Variants in SZT2 observed in about 807,000 individuals in gnomAD.
SZT2 encodes KICSTOR complex protein SZT2.
Under a neutral mutation model 404.2 loss-of-function variants are expected in SZT2, and 216 were observed. The observed-to-expected ratio is 0.53, with a 90% CI of 0.48 to 0.60. The LOEUF is 0.60. SZT2 is among the 20% of genes least tolerant of loss of function. SZT2 has a pLI of 0.00. For synonymous variants in SZT2, 1,693 were observed against 1,749.9 expected, an observed-to-expected ratio of 0.97 and a Z score of 0.81; for missense variants, 3,857 against 4,459.2, an observed-to-expected ratio of 0.86 and a Z score of 3.85.
At position 43,427,715 on chromosome 1, in the gene SZT2, C is replaced by G; in HGVS notation, c.3784C>G (p.Pro1262Ala). ...QMVGMQPPQA[P>A]RDLIFRTQFL... ...GGTTGGCATGCAGCCCCCTCAGGCG[C>G]CCCGAGACCTCATCTTCCGGTGAGT... Residue 1262 changes from proline (P) to alanine (A), a missense_variant, in exon 26 of 72, where the codon CCC becomes GCC. Coordinates refer to ENST00000634258, the MANE Select transcript of SZT2 (RefSeq NM_001365999.1). 6.2e-7 allele frequency: 1 copy of G among 1,613,692 alleles called. No individual in the cohort carries two copies. Among genetic ancestry groups the G allele is most frequent in the East Asian group, 2.2e-5 (1 of 44,878 alleles).
intron 42 of SZT2, chr1:43,436,947 C>G (rs1654518469): frequency 1.7e-6 from 1 of 576,960 alleles, no homozygotes; most frequent in Admixed American, 3.2e-5. Context: ...TTCTCTAAGT[C>G]TCCTTGAGAT....
Position 43,433,032 on chromosome 1 carries a change from T to C in SZT2, c.5646T>C (p.Asn1882=), listed in dbSNP as rs939242987. 6.2e-7 allele frequency: 1 copy of C among 1,614,006 alleles called. No individual in the cohort carries two copies. The highest frequency in any genetic ancestry group is 1.3e-5 in the African/African-American group (1 of 74,918). Residue 1882 remains asparagine (N), a synonymous_variant, in exon 40 of 72, where the codon AAT becomes AAC. Coordinates refer to ENST00000634258, the MANE Select transcript of SZT2 (RefSeq NM_001365999.1). The part of the protein sequence containing the change: ...GSSGSDSEGP[N]DTLGEKAPFT... ...GTGGCTCAGACAGTGAGGGTCCCAA[T>C]GACACCCTTGGTGAGAAGGCCCCCT...
chr1:43,447,425 G>T (rs2153936772), intron 66 of SZT2, 120 bp from the exon 67 acceptor site: 1 of 1,389,290 alleles, frequency 7.2e-7, no homozygotes, highest in Non-Finnish European at 9.7e-7. Context: ...AGCTCCTAAG[G>T]AAAGCAGACC....
At chr1:43,449,808 T>G in intron 70 of SZT2, 1 of 504,564 alleles carries the variant, frequency 2.0e-6, no homozygotes, top group South Asian at 2.2e-5. Context: ...GGCAAGGAGG[T>G]TGTGCCAGGG....
intron 1 of SZT2, among the ~76,000 whole-genome samples, chr1:43,396,466 T>C (rs1352725614): frequency 6.6e-6 from 1 of 152,160 alleles, no homozygotes; most frequent in African/African-American, 2.4e-5. Flanking sequence ...TCTGGCTCTA[T>C]GTGAGGACAT....
chr1:43,448,623 A>C lies in SZT2; in HGVS notation c.9981A>C (p.Leu3327=), dbSNP rs1290890779. 5.6e-6 allele frequency: 9 copies of C among 1,614,060 alleles called. No homozygotes were observed. The Admixed American group carries it at 1.5e-4, about 27-fold the overall frequency. The change falls in exon 70 of 72, where the codon CTA becomes CTC. Residue 3327 remains leucine, a synonymous_variant. Transcript: ENST00000634258. This position sits in a 1 kb window ranked among gnomAD's most constrained non-coding sequence, Gnocchi z 4.2. ...GGCTCCTCCCTCAGGACTGCTTCCT[A>C]TCCATGACGGTCTCCTGGTACCAGA... ...GDIDPQLDCF[L]SMTVSWYQSL... is the part of the protein sequence containing the mutation.
chr1:43,404,295 C>T (rs1028455954), intron 3 of SZT2, 85 bp from the exon 4 acceptor site: 18 of 1,172,834 alleles, frequency 1.5e-5, no homozygotes, highest in Middle Eastern at 5.8e-4. Flanking sequence ...GTTAAGTGTC[C>T]TACTGACCCA....
Position 43,420,192 on chromosome 1 carries a change from C to T in SZT2, c.1130C>T (p.Ala377Val). ...HRLFNEHLVS[A>V]SSNPALALRR... ...CTATTTAATGAGCACCTGGTCTCTG[C>T]AAGCAGCAACCCTGCCCTGGCCTTG... Residue 377 changes from alanine to valine, a missense_variant, in exon 9 of 72, where the codon GCA becomes GTA. By Grantham distance (64) the Ala-to-Val change is moderately conservative. Around this residue, in one of 7 missense-constraint regions of SZT2, gnomAD observed 536 missense variants for 637.4 expected, o/e 0.84. Coordinates refer to ENST00000634258, the MANE Select transcript of SZT2 (RefSeq NM_001365999.1). The surrounding 1 kb of genome is among the most constrained non-coding windows in gnomAD (Gnocchi z 5.1). The T allele has an allele frequency of 1.3e-6, 2 of 1,598,476 alleles. No homozygotes were observed. The highest frequency in any genetic ancestry group is 1.7e-6 in the Non-Finnish European group (2 of 1,179,820).
In SZT2 at chr1:43,448,242, G is replaced by A. The variant is rs770750697; in HGVS notation, c.9727G>A (p.Gly3243Arg). 8 of 1,592,540 alleles carry A rather than the reference G, an allele frequency of 5.0e-6. No homozygotes were observed. In the Admixed American group the frequency reaches 5.3e-5, roughly 10 times the overall value. ...GEASGLILAPGPAPLFPPLAA... is the reference protein window; with the variant it reads ...GEASGLILAPRPAPLFPPLAA... Reference sequence around the variant, plus strand: ...GGCCTCAGGGCTTATTCTAGCGCCTGGACCGGCTCCTCTGTTCCCACCACT... The same window carrying A: ...GGCCTCAGGGCTTATTCTAGCGCCTAGACCGGCTCCTCTGTTCCCACCACT... Residue 3243 changes from glycine (G) to arginine (R), a missense_variant, in exon 69 of 72, where the codon GGA becomes AGA. This residue lies in a region of SZT2 where 717 missense variants were observed against 868.2 expected (regional missense o/e 0.83). Coordinates refer to ENST00000634258, the MANE Select transcript of SZT2 (RefSeq NM_001365999.1). This position sits in a 1 kb window ranked among gnomAD's most constrained non-coding sequence, Gnocchi z 4.2.
rs201615506 is a variant in SZT2 at position 43,446,203 on chromosome 1, T to A, written c.8941T>A (p.Tyr2981Asn). 3.1e-6 allele frequency: 5 copies of A among 1,614,120 alleles called. No homozygotes were observed. The African/African-American group carries it at 6.7e-5, about 22-fold the overall frequency. ...GAGCACTAGCTCTCCGGTAACCACCTACCACCTGCAGCGGGCACTGCCTGG... is the reference window on the plus strand; with the variant it reads ...GAGCACTAGCTCTCCGGTAACCACCAACCACCTGCAGCGGGCACTGCCTGG... The part of the protein sequence containing the change: ...PKSTSSPVTT[Y>N]HLQRALPGGI... Residue 2981 changes from tyrosine to asparagine, a missense_variant, in exon 64 of 72, where the codon TAC (tyrosine) becomes AAC (asparagine). Physicochemically the swap from Tyr to Asn is moderately radical, Grantham distance 143. This residue lies in a region of SZT2 where 717 missense variants were observed against 868.2 expected (regional missense o/e 0.83). Transcript: ENST00000634258.
rs774269509 is a variant in SZT2 at position 43,451,539 on chromosome 1, C to T, written c.*1059C>T. The stretch of plus-strand genomic sequence containing the variant: ...CGGCCTGGGACCTGTGCCACCTGCA[C>T]ATGCCCTGGGGACAGATGTGGACAA... On this transcript the variant is annotated 3_prime_UTR_variant, in exon 72 of 72. Transcript: ENST00000634258. 7.4e-6 allele frequency: 12 copies of T among 1,613,936 alleles called. No individual in the cohort carries two copies. The Admixed American group carries it at 1.8e-4, about 25-fold the overall frequency.
Position 43,452,069 on chromosome 1 carries a change from A to C in SZT2, c.*1589A>C. The stretch of plus-strand genomic sequence containing the variant: ...CTCCTTCCCAAGTTTGTCCCCCATC[A>C]GTCAGTCACTGGTCAAGGCCCTCAC... On this transcript the variant is annotated 3_prime_UTR_variant, in exon 72 of 72. Coordinates refer to ENST00000634258, the MANE Select transcript of SZT2 (RefSeq NM_001365999.1). 2 of 1,558,630 alleles carry C rather than the reference A, an allele frequency of 1.3e-6. No individual in the cohort carries two copies. Among genetic ancestry groups the C allele is most frequent in the Non-Finnish European group, 1.8e-6 (2 of 1,139,252 alleles).
intron 4 of SZT2, among the ~76,000 whole-genome samples, chr1:43,407,827 C>CTTTTT (rs1273177130): frequency 6.4e-5 from 6 of 94,460 alleles, no homozygotes; most frequent in Non-Finnish European, 6.4e-5. Flanking sequence ...AAATTCTAAC[C>CTTTTT]TTTTTTTTTT....
At chr1:43,404,303 C>G (rs910127885) in intron 3 of SZT2, 77 bp from the exon 4 acceptor site, 2 of 1,254,924 alleles carry the variant, frequency 1.6e-6, no homozygotes, top group African/African-American at 3.0e-5. Context: ...TCCTACTGAC[C>G]CATGGAAGCT....
In SZT2 at chr1:43,437,018, C is replaced by T. The variant is rs2153934934; in HGVS notation, c.6035-153C>T. ...CCTAAGGGCATGCATCTGCCTGGCC[C>T]TGTCGTGTTACCCAGAATGATCATC... On this transcript the variant is annotated intron_variant, in intron 42 of 71. Transcript: ENST00000634258. The surrounding 1 kb of genome is among the most constrained non-coding windows in gnomAD (Gnocchi z 5.3). 2.0e-6 allele frequency: 2 copies of T among 998,432 alleles called. No homozygotes were observed. Among genetic ancestry groups the T allele is most frequent in the Middle Eastern group, 3.2e-4 (1 of 3,108 alleles). The allele number at this position is 998,432 out of a possible 1,614,324, so 61.8% of individuals were successfully genotyped here.
rs748794297 is a variant in SZT2 at position 43,451,362 on chromosome 1, C to T, written c.*882C>T. On this transcript the variant is annotated 3_prime_UTR_variant, in exon 72 of 72. Transcript: ENST00000634258. ...CCTCAGCCCACAAGGAGAAAACAGCCCCTGTCCGGGTCCCTCCAGAGCTCC... is the reference window on the plus strand; with the variant it reads ...CCTCAGCCCACAAGGAGAAAACAGCTCCTGTCCGGGTCCCTCCAGAGCTCC... The T allele has an allele frequency of 2.5e-5, 40 of 1,612,210 alleles. No individual in the cohort carries two copies. Among genetic ancestry groups the T allele is most frequent in the Non-Finnish European group, 3.1e-5 (37 of 1,180,016 alleles).
Position 43,428,339 on chromosome 1 carries a change from C to A in SZT2, c.4019C>A (p.Thr1340Asn), listed in dbSNP as rs1366834737. ...CEELLQEIDI[T>N]PFLLALCGHT... ...GAGCTACTACAAGAAATAGACATCA[C>A]CCCATTTCTCCTTGCATTGTGTGGC... Residue 1340 changes from threonine (T) to asparagine (N), a missense_variant, in exon 28 of 72, where the codon ACC (threonine) becomes AAC (asparagine). Physicochemically the swap from Thr to Asn is moderately conservative, Grantham distance 65. Coordinates refer to ENST00000634258, the MANE Select transcript of SZT2 (RefSeq NM_001365999.1). The A allele has an allele frequency of 1.9e-6, 3 of 1,614,058 alleles. No individual in the cohort carries two copies.
rs141500325 is a variant in SZT2, at chr1:43,413,045, T to C, written c.499-2037T>C. 4.5e-3 allele frequency among the ~76,000 whole-genome samples: 693 copies of C among 152,318 alleles called. 8 individuals carry two copies. The highest frequency in any genetic ancestry group is 0.016 in the African/African-American group (666 of 41,562). The stretch of plus-strand genomic sequence containing the variant: ...AGGATGTGGAGAAAAGGTAACGTTG[T>C]GCACTCTTGGTAGAAATGTAAATTA... On this transcript the variant is annotated intron_variant, in intron 4 of 71. Coordinates refer to ENST00000634258, the MANE Select transcript of SZT2 (RefSeq NM_001365999.1).
rs1652167712 is a variant in SZT2 at position 43,420,113 on chromosome 1, A to G, written c.1091-40A>G. On this transcript the variant is annotated intron_variant, in intron 8 of 71. Transcript: ENST00000634258. The surrounding 1 kb of genome is among the most constrained non-coding windows in gnomAD (Gnocchi z 5.1). ...CCCCTACAGATCTGTCAGTTGGCAG[A>G]TAACCAGTTTCTCCTTCCCCATCTC... The G allele has an allele frequency of 6.3e-7, 1 of 1,593,314 alleles. No individual in the cohort carries two copies.
Sources: allele counts gnomAD v4.1 joint callset (sites outside exome capture counted in the v4.1 genomes callset), GRCh38; gene constraint gnomAD v4.1.1; regional missense constraint gnomAD v4.1.1; non-coding constraint Gnocchi (gnomAD v3.1); transcripts MANE v1.5; gene names NCBI Gene and HGNC (gene_info 2026-07-23, HGNC 2026-07-21).